The following PTPRT variants were observed in gnomAD, a reference collection of about 807,000 sequenced individuals.
The protein encoded by PTPRT is receptor-type tyrosine-protein phosphatase T.
Under a neutral mutation model 176.8 loss-of-function variants are expected in PTPRT, and 56 were observed. The observed-to-expected ratio is 0.32, with a 90% CI of 0.26 to 0.40. PTPRT has a LOEUF of 0.40. Among genes scored for constraint, PTPRT ranks in the 10% least tolerant of loss-of-function variants. PTPRT has a pLI of 1.00. For synonymous variants in PTPRT, 783 were observed against 739.0 expected, an observed-to-expected ratio of 1.06 and a Z score of -0.96; for missense variants, 1,540 against 1,908.2, an observed-to-expected ratio of 0.81 and a Z score of 3.60.
chr20:43,129,188 C>T (rs750687625), intron 1 of PTPRT, among the ~76,000 whole-genome samples: 15 of 152,052 alleles, frequency 9.9e-5, no homozygotes, highest in Admixed American at 2.6e-4. Flanking sequence ...GCATAGAGGC[C>T]GAGGTATAAA....
chr20:42,940,704 A>C (rs926349760), intron 1 of PTPRT, among the ~76,000 whole-genome samples: 1 of 152,220 alleles, frequency 6.6e-6, no homozygotes, highest in Non-Finnish European at 1.5e-5. Flanking sequence ...AAGAGTCCAG[A>C]GAGCCACAGT....
At chr20:42,379,902 C>A (rs2058683661) in intron 9 of PTPRT, among the ~76,000 whole-genome samples, 1 of 152,168 alleles carries the variant, frequency 6.6e-6, no homozygotes, top group African/African-American at 2.4e-5. Context: ...GCAGTCAGAG[C>A]ATTTTCTCAT....
chr20:43,151,795 A>G (rs1419520220), intron 1 of PTPRT, among the ~76,000 whole-genome samples: 5 of 151,970 alleles, frequency 3.3e-5, no homozygotes, highest in Admixed American at 2.6e-4. Context: ...CCCGGGAGGC[A>G]GAGGTTGCAG....
At position 42,821,024 on chromosome 20, in the gene PTPRT, A is replaced by G. The variant is rs1239248619; in HGVS notation, c.215-29558T>C. 2.6e-5 allele frequency among the ~76,000 whole-genome samples: 4 copies of G among 152,212 alleles called. No homozygotes were observed. The East Asian group carries it at 7.7e-4, about 29-fold the overall frequency. ...TACCATTCCTTCTGAAACTATTCCA[A>G]ACAATTGAAAAGGAGGGACTCCTCC... On this transcript the variant is annotated intron_variant, in intron 2 of 30. Transcript: ENST00000373187.
At chr20:42,384,834 T>C (rs2058729822) in intron 9 of PTPRT, among the ~76,000 whole-genome samples, 1 of 152,234 alleles carries the variant, frequency 6.6e-6, no homozygotes, top group Non-Finnish European at 1.5e-5. Flanking sequence ...ACTTCCATGA[T>C]GATTAGTGAT....
intron 7 of PTPRT, among the ~76,000 whole-genome samples, chr20:42,491,831 C>A (rs1055610989): frequency 2.0e-5 from 3 of 152,138 alleles, no homozygotes; most frequent in Non-Finnish European, 4.4e-5. Context: ...TATAGACACA[C>A]CCTTTCTCTC....
At chr20:43,160,391 C>A (rs983591747) in intron 1 of PTPRT, among the ~76,000 whole-genome samples, 3 of 152,206 alleles carry the variant, frequency 2.0e-5, no homozygotes, top group Non-Finnish European at 2.9e-5. Context: ...AGACTGGCAT[C>A]TTGCTGCATC....
At chr20:42,400,225 A>G (rs1288376317) in intron 9 of PTPRT, among the ~76,000 whole-genome samples, 1 of 152,182 alleles carries the variant, frequency 6.6e-6, no homozygotes, top group Non-Finnish European at 1.5e-5. Flanking sequence ...CCAGTGTCTA[A>G]TTCAGGGACA....
chr20:42,768,653 A>G (rs781562924), intron 5 of PTPRT, among the ~76,000 whole-genome samples: 14 of 152,156 alleles, frequency 9.2e-5, no homozygotes, highest in Non-Finnish European at 1.8e-4. Flanking sequence ...CGGTTTTCGC[A>G]TTATTACCAG....
At chr20:42,201,417 G>A (rs987098267) in intron 15 of PTPRT, among the ~76,000 whole-genome samples, 2 of 152,188 alleles carry the variant, frequency 1.3e-5, no homozygotes, top group Non-Finnish European at 2.9e-5. Context: ...CTTGAAACAT[G>A]AATCTCATGC....
intron 2 of PTPRT, among the ~76,000 whole-genome samples, chr20:42,804,188 T>C (rs2077571502): frequency 6.6e-6 from 1 of 152,068 alleles, no homozygotes; most frequent in African/African-American, 2.4e-5. Flanking sequence ...CTCTTCCCCT[T>C]TCATCCCTCA....
At chr20:42,239,527 A>T (rs2056312325) in intron 14 of PTPRT, among the ~76,000 whole-genome samples, 1 of 141,084 alleles carries the variant, frequency 7.1e-6, no homozygotes, top group Non-Finnish European at 1.5e-5. Context: ...GGTCCACGCC[A>T]TTCTCCTGCC....
intron 1 of PTPRT, among the ~76,000 whole-genome samples, chr20:42,988,921 T>C (rs915278092): frequency 6.6e-6 from 1 of 152,228 alleles, no homozygotes; most frequent in Non-Finnish European, 1.5e-5. Context: ...ACCTGCTACA[T>C]CTAAGACACT....
intron 7 of PTPRT, among the ~76,000 whole-genome samples, chr20:42,594,894 G>A (rs6093685): frequency 0.41 from 62,540 of 152,086 alleles, 15,895 homozygotes; most frequent in African/African-American, 0.72. Flanking sequence ...GTGGGTTGGT[G>A]TATGACGTGG....
intron 7 of PTPRT, among the ~76,000 whole-genome samples, chr20:42,562,746 TC>T (rs2072973522): frequency 6.6e-6 from 1 of 152,118 alleles, no homozygotes; most frequent in Admixed American, 6.6e-5. Flanking sequence ...CCCTCATCAC[TC>T]AGCCCTGACA....
chr20:42,361,703 C>T (rs1195614176), intron 9 of PTPRT, among the ~76,000 whole-genome samples: 5 of 152,108 alleles, frequency 3.3e-5, no homozygotes, highest in African/African-American at 4.8e-5. Flanking sequence ...AGGAGGCTGC[C>T]GTGTGAGTCC....
intron 1 of PTPRT, among the ~76,000 whole-genome samples, chr20:43,042,427 T>C (rs954216446): frequency 6.6e-6 from 1 of 152,094 alleles, no homozygotes; most frequent in African/African-American, 2.4e-5. Context: ...CAGTCAGCTC[T>C]GGCTTGAAAA....
intron 7 of PTPRT, among the ~76,000 whole-genome samples, chr20:42,564,812 AT>A (rs1392633804): frequency 5.9e-5 from 9 of 152,196 alleles, no homozygotes; most frequent in African/African-American, 2.2e-4. Context: ...TTTACATAGC[AT>A]TTGTATTGCA....
At chr20:42,763,901 A>G (rs910177702) in intron 5 of PTPRT, among the ~76,000 whole-genome samples, 3 of 152,196 alleles carry the variant, frequency 2.0e-5, no homozygotes, top group Non-Finnish European at 4.4e-5. Context: ...GGGACCTGGC[A>G]TAAGTCCCAC....
Sources: gnomAD v4.1 joint callset for allele counts (sites outside exome capture counted in the v4.1 genomes callset) on GRCh38, gnomAD v4.1.1 for gene constraint, MANE v1.5 for transcripts, NCBI Gene and HGNC (gene_info 2026-07-23, HGNC 2026-07-21) for gene names.